Variants in NPAS3 observed in about 807,000 individuals in gnomAD.
NPAS3 encodes the protein neuronal PAS domain-containing protein 3.
NPAS3 carries 14 observed loss-of-function variants against 73.1 expected under a neutral mutation model. The observed-to-expected ratio is 0.19, with a 90% CI of 0.13 to 0.30. NPAS3 has a LOEUF of 0.30. NPAS3 is among the 10% of genes least tolerant of loss of function. The probability of loss-of-function intolerance (pLI) is 1.00; values close to 1 mark genes in which losing one functional copy is unlikely to be tolerated. For missense variants in NPAS3, 1,096 were observed against 1,250.0 expected (o/e 0.88, Z 1.86); for synonymous variants, 620 against 541.5 (o/e 1.14, Z -2.01).
chr14:33,676,296 C>G (rs758978013), exon 6 of NPAS3: 23 of 1,613,042 alleles, frequency 1.4e-5, no homozygotes, highest in South Asian at 2.2e-5. Flanking sequence ...ATGAAGCTCC[C>G]CCCTGGGCGG....
chr14:33,772,080 G>A (rs1426572230), intron 7 of NPAS3, among the ~76,000 whole-genome samples: 1 of 152,120 alleles, frequency 6.6e-6, no homozygotes, highest in Non-Finnish European at 1.5e-5. Flanking sequence ...CTTTAAAATA[G>A]TCAGTCACTA....
At chr14:33,672,613 G>GCTGT (rs546413971) in intron 5 of NPAS3, among the ~76,000 whole-genome samples, 11 of 151,950 alleles carry the variant, frequency 7.2e-5, no homozygotes, top group Admixed American at 1.3e-4. Context: ...TCTCCGTCTT[G>GCTGT]CTGTCTGTAG....
intron 1 of NPAS3, among the ~76,000 whole-genome samples, chr14:33,011,491 A>G (rs1488748126): frequency 6.6e-6 from 1 of 152,132 alleles, no homozygotes; most frequent in Non-Finnish European, 1.5e-5. Context: ...GAGAAAACCC[A>G]CAGAGACTTG....
chr14:33,181,699 A>G (rs2045804817), intron 2 of NPAS3, among the ~76,000 whole-genome samples: 3 of 152,226 alleles, frequency 2.0e-5, no homozygotes, highest in Admixed American at 2.0e-4. Flanking sequence ...AATGGCTGCT[A>G]TAAAATGTGA....
intron 2 of NPAS3, among the ~76,000 whole-genome samples, chr14:33,199,929 G>A (rs770322882): frequency 5.9e-5 from 9 of 151,996 alleles, no homozygotes; most frequent in Non-Finnish European, 1.3e-4. Context: ...TATGCAAGAC[G>A]TTGTCTCTCA....
At chr14:33,490,656 T>A (rs548844213) in intron 4 of NPAS3, among the ~76,000 whole-genome samples, 1 of 152,296 alleles carries the variant, frequency 6.6e-6, no homozygotes, top group South Asian at 2.1e-4. Context: ...GCACATGAAC[T>A]TAGAGCCTTT....
intron 4 of NPAS3, among the ~76,000 whole-genome samples, chr14:33,405,309 A>G (rs1033070593): frequency 3.9e-5 from 6 of 152,100 alleles, no homozygotes; most frequent in Non-Finnish European, 7.4e-5. Context: ...TCTGAACAGA[A>G]TAAGAGCTGA....
intron 2 of NPAS3, among the ~76,000 whole-genome samples, chr14:33,155,732 G>T (rs2044622064): frequency 6.6e-6 from 1 of 152,182 alleles, no homozygotes. Flanking sequence ...GCAGGTGTGT[G>T]TGTCAGCAGA....
chr14:33,409,672 T>G lies in NPAS3; in HGVS notation c.468+42404T>G, dbSNP rs540359032. ...AGTGCAGAAAGTTCAGTAAGATTCATTCATTAGCTATGATTCCAGAAGAGT... is the reference window on the plus strand; with the variant it reads ...AGTGCAGAAAGTTCAGTAAGATTCAGTCATTAGCTATGATTCCAGAAGAGT... On this transcript the variant is annotated intron_variant, in intron 4 of 11. Coordinates refer to ENST00000356141, the Ensembl canonical transcript of NPAS3. Among the ~76,000 whole-genome samples, 28 of 152,344 alleles carry G rather than the reference T, an allele frequency of 1.8e-4. No individual in the cohort carries two copies. In the South Asian group the frequency reaches 5.8e-3, roughly 32 times the overall value.
intron 4 of NPAS3, among the ~76,000 whole-genome samples, chr14:33,473,455 G>C (rs1404523168): frequency 6.6e-6 from 1 of 152,120 alleles, no homozygotes; most frequent in Non-Finnish European, 1.5e-5. Context: ...AGAGAACAAA[G>C]TAATAATTAA....
intron 2 of NPAS3, among the ~76,000 whole-genome samples, chr14:33,112,765 G>T (rs1319297498): frequency 6.6e-6 from 1 of 152,116 alleles, no homozygotes; most frequent in Non-Finnish European, 1.5e-5. Flanking sequence ...GAATGGTATT[G>T]CCTATGTTTT....
downstream of NPAS3, chr14:33,801,131 G>A (rs755532051): frequency 2.4e-5 from 37 of 1,556,250 alleles, no homozygotes; most frequent in Admixed American, 9.8e-5. Context: ...TCCTGGGCCC[G>A]GCCAGGCCCC....
chr14:33,123,996 G>A (rs898043888), intron 2 of NPAS3, among the ~76,000 whole-genome samples: 1 of 151,576 alleles, frequency 6.6e-6, no homozygotes, highest in East Asian at 1.9e-4. Context: ...GAGTAGCTGG[G>A]CCTATAGGTG....
chr14:33,435,438 G>A (rs1030807670), intron 4 of NPAS3, among the ~76,000 whole-genome samples: 6 of 152,246 alleles, frequency 3.9e-5, no homozygotes, highest in Non-Finnish European at 8.8e-5. Flanking sequence ...CAAGTTAAGA[G>A]TTCATAATTT....
chr14:33,136,129 T>C (rs969795536), intron 2 of NPAS3, among the ~76,000 whole-genome samples: 3 of 150,302 alleles, frequency 2.0e-5, no homozygotes, highest in South Asian at 4.2e-4. Flanking sequence ...AGCGCGATCT[T>C]GGCTCACTGC....
intron 3 of NPAS3, among the ~76,000 whole-genome samples, chr14:33,263,636 G>A (rs902448708): frequency 4.6e-5 from 7 of 152,002 alleles, no homozygotes; most frequent in African/African-American, 1.4e-4. Context: ...CTTTAAAGTA[G>A]TTTTTTTCCA....
chr14:33,065,764 A>G (rs2041256366), intron 2 of NPAS3, among the ~76,000 whole-genome samples: 1 of 151,912 alleles, frequency 6.6e-6, no homozygotes. Context: ...CTTACTAGCA[A>G]TTCCCATTAC....
At chr14:33,690,297 G>A (rs905495558) in intron 6 of NPAS3, among the ~76,000 whole-genome samples, 3 of 152,234 alleles carry the variant, frequency 2.0e-5, no homozygotes, top group African/African-American at 7.2e-5. Context: ...TAAAATGAGT[G>A]TAGATCTGGT....
rs528901708 is a variant in NPAS3 at position 33,643,905 on chromosome 14, A to T, written c.559-32306A>T. ...GGAGAAGATTTTTTTTTTAACCTAAAGACTGCTTGTCTTGTCATTTCTCTT... is the reference window on the plus strand; with the variant it reads ...GGAGAAGATTTTTTTTTTAACCTAATGACTGCTTGTCTTGTCATTTCTCTT... On this transcript the variant is annotated intron_variant, in intron 5 of 11. Transcript: ENST00000356141. Among the ~76,000 whole-genome samples the T allele has an allele frequency of 5.3e-5, 8 of 152,260 alleles. No individual in the cohort carries two copies. The South Asian group carries it at 1.7e-3, about 32-fold the overall frequency.
Sources: gnomAD v4.1 joint callset for allele counts (sites outside exome capture counted in the v4.1 genomes callset) on GRCh38, gnomAD v4.1.1 for gene constraint, MANE v1.5 for transcripts, NCBI Gene and HGNC (gene_info 2026-07-23, HGNC 2026-07-21) for gene names.